The following USP33 variants were observed in gnomAD, a reference collection of about 807,000 sequenced individuals.
USP33 encodes the protein ubiquitin carboxyl-terminal hydrolase 33.
In USP33, 46 loss-of-function variants were observed where a neutral mutation model predicts 124.2. The ratio of observed to expected loss-of-function variants is 0.37; its 90% CI spans 0.29 to 0.47. The LOEUF is 0.47. Ranked by LOEUF, USP33 falls within the 20% of genes least tolerant of loss-of-function variation. The probability of loss-of-function intolerance (pLI) is 0.99; values close to 1 mark genes in which losing one functional copy is unlikely to be tolerated. For synonymous variants in USP33, 350 were observed against 352.3 expected (o/e 0.99, Z 0.07); for missense variants, 851 against 1,070.6 (o/e 0.79, Z 2.86).
At chr1:77,745,050 G>C (rs1246129596) in intron 1 of USP33, among the ~76,000 whole-genome samples, 2 of 152,130 alleles carry the variant, frequency 1.3e-5, no homozygotes, top group Non-Finnish European at 2.9e-5. Flanking sequence ...ATTATTGTGT[G>C]GGAGTCTAAG....
intron 4 of USP33, among the ~76,000 whole-genome samples, chr1:77,740,269 C>A (rs1406351309): frequency 1.3e-5 from 2 of 152,066 alleles, no homozygotes; most frequent in Admixed American, 6.6e-5. Context: ...TTAGCCAGGC[C>A]ATGTCATAAA....
chr1:77,741,540 TTACAG>T, intron 2 of USP33, 72 bp downstream of exon 2: 1 of 1,535,664 alleles, frequency 6.5e-7, no homozygotes, highest in Non-Finnish European at 8.8e-7. Context: ...TCATAGAGTA[TTACAG>T]TAATTTATGA....
intron 12 of USP33, 29 bp from the exon 13 acceptor site, chr1:77,722,225 G>A: frequency 6.3e-7 from 1 of 1,589,214 alleles, no homozygotes. Context: ...TTAAAAATGG[G>A]ATGAACATAA....
At chr1:77,746,781 CAT>C (rs1679786413) in intron 1 of USP33, among the ~76,000 whole-genome samples, 1 of 152,202 alleles carries the variant, frequency 6.6e-6, no homozygotes, top group Admixed American at 6.5e-5. Context: ...ACAAAAACCA[CAT>C]GATTATCTCA....
chr1:77,714,081 C>T (rs1675593287), intron 19 of USP33, among the ~76,000 whole-genome samples: 1 of 152,184 alleles, frequency 6.6e-6, no homozygotes, highest in African/African-American at 2.4e-5. Context: ...TAAACATTAA[C>T]ACAGCCAATC....
rs1005736381 is a variant in USP33, at chr1:77,741,104, A to T, written c.136-165T>A. On this transcript the variant is annotated intron_variant, in intron 3 of 23. Coordinates refer to ENST00000370794, the MANE Select transcript of USP33 (RefSeq NM_201624.3). The stretch of plus-strand genomic sequence containing the variant: ...AATTTAACCAAATGTTTCCAGGCAC[A>T]AAATAAAACCAGGATATATTTCTAA... Among the ~76,000 whole-genome samples the T allele has an allele frequency of 9.2e-4, 140 of 152,212 alleles. 1 individual carries two copies. The highest frequency in any genetic ancestry group is 1.8e-4 in the Non-Finnish European group (12 of 68,028).
chr1:77,748,667 CAAAA>C (rs796272242), intron 1 of USP33, among the ~76,000 whole-genome samples: 1 of 83,996 alleles, frequency 1.2e-5, no homozygotes, highest in Non-Finnish European at 2.5e-5. Context: ...GACTCCGTCT[CAAAA>C]AAAAAAAAAA....
chr1:77,697,803 CAT>C (rs1305336850), intron 23 of USP33, 58 bp downstream of exon 23: 8 of 1,453,666 alleles, frequency 5.5e-6, no homozygotes, highest in Middle Eastern at 1.8e-4. Context: ...CTAATGATAA[CAT>C]ATTTCTAACA....
chr1:77,759,372 A>G (rs895752719), intron 1 of USP33: 6 of 385,054 alleles, frequency 1.6e-5, no homozygotes, highest in Non-Finnish European at 4.6e-6. Context: ...TCCAGGGAAG[A>G]ACCCCTGAGG....
intron 22 of USP33, among the ~76,000 whole-genome samples, chr1:77,700,142 T>C (rs188272201): frequency 1.7e-4 from 26 of 152,344 alleles, no homozygotes; most frequent in Non-Finnish European, 3.1e-4. Flanking sequence ...CAAATCGCCA[T>C]GGCACATGTT....
rs768749917 is a variant in USP33, at chr1:77,723,399, T to C, written c.1321A>G (p.Arg441Gly). Residue 441 changes from arginine (R) to glycine (G), a missense_variant, in exon 12 of 24, where the codon AGA becomes GGA. Transcript: ENST00000370794. ...PKRKKQHKKY[R>G]SVISDIFDGT... ...TCAAATATGTCTGAAATAACACTTC[T>C]GTATTTCTTGTGCTGTTTTTTTCTC... is the stretch of plus-strand genomic sequence containing the variant. 6.2e-7 allele frequency: 1 copy of C among 1,613,330 alleles called. No individual in the cohort carries two copies. Among genetic ancestry groups the C allele is most frequent in the South Asian group, 1.1e-5 (1 of 90,944 alleles).
intron 9 of USP33, among the ~76,000 whole-genome samples, chr1:77,729,620 A>C (rs931620193): frequency 7.9e-5 from 12 of 152,056 alleles, no homozygotes; most frequent in Admixed American, 7.2e-4. Context: ...GCAGTGAGCC[A>C]AGATTGCACC....
chr1:77,728,823 T>C, intron 9 of USP33, 111 bp from the exon 10 acceptor site: 2 of 1,177,732 alleles, frequency 1.7e-6, no homozygotes, highest in Admixed American at 2.7e-5. Flanking sequence ...TACAGCACTA[T>C]ATTGAGCAAA....
At chr1:77,707,457 T>C (rs1332028464) in intron 21 of USP33, among the ~76,000 whole-genome samples, 2 of 152,214 alleles carry the variant, frequency 1.3e-5, no homozygotes, top group Non-Finnish European at 2.9e-5. Context: ...CAACTGAGGA[T>C]GATCTCATCT....
At chr1:77,723,469 A>T in intron 11 of USP33, 26 bp from the exon 12 acceptor site, 1 of 1,485,762 alleles carries the variant, frequency 6.7e-7, no homozygotes. Context: ...ATTAAAAAAA[A>T]ATCAAAGCAG....
rs545978017 is a variant in USP33, at chr1:77,710,462, T to C, written c.2406+1285A>G. On this transcript the variant is annotated intron_variant, in intron 21 of 23. Coordinates refer to ENST00000370794, the MANE Select transcript of USP33 (RefSeq NM_201624.3). ...TCCTGACAGACACAGTCATTAGCCA[T>C]TATTTAAGCATTGATGGAAAAAACT... is the stretch of plus-strand genomic sequence containing the variant. Among the ~76,000 whole-genome samples, 9 of 152,356 alleles carry C rather than the reference T, an allele frequency of 5.9e-5. No homozygotes were observed. The South Asian group carries it at 1.9e-3, about 32-fold the overall frequency.
chr1:77,721,866 C>G lies in USP33; in HGVS notation c.1622G>C (p.Cys541Ser), dbSNP rs751117334. Residue 541 changes from cysteine to serine, a missense_variant, in exon 14 of 24, where the codon TGT (cysteine) becomes TCT (serine). Around this residue, in one of 4 missense-constraint regions of USP33, gnomAD observed 281 missense variants for 425.0 expected, o/e 0.66. Coordinates refer to ENST00000370794, the MANE Select transcript of USP33 (RefSeq NM_201624.3). ...ATCTCTGGCAAAGAAGGCAGCAAGACAATCTTGCAAGGTTACTACTGGACC... is the reference window on the plus strand; with the variant it reads ...ATCTCTGGCAAAGAAGGCAGCAAGAGAATCTTGCAAGGTTACTACTGGACC... ...FWGPVVTLQDCLAAFFARDEL... is the reference protein window; with the variant it reads ...FWGPVVTLQDSLAAFFARDEL... 5.0e-6 allele frequency: 8 copies of G among 1,610,510 alleles called. No individual in the cohort carries two copies. Among genetic ancestry groups the G allele is most frequent in the Non-Finnish European group, 6.8e-6 (8 of 1,179,204 alleles).
intron 15 of USP33, chr1:77,720,445 C>T (rs1033732122): frequency 6.1e-6 from 6 of 985,398 alleles, no homozygotes; most frequent in Non-Finnish European, 7.2e-6. Context: ...TAGAAGTCAG[C>T]TTTTTCATCT....
chr1:77,725,544 T>C, intron 11 of USP33, 78 bp downstream of exon 11: 1 of 1,494,290 alleles, frequency 6.7e-7, no homozygotes, highest in Non-Finnish European at 9.0e-7. Flanking sequence ...AATTAACACT[T>C]TAAATTATCA....
Sources: allele counts gnomAD v4.1 joint callset (sites outside exome capture counted in the v4.1 genomes callset), GRCh38; gene constraint gnomAD v4.1.1; regional missense constraint gnomAD v4.1.1; transcripts MANE v1.5; gene names NCBI Gene and HGNC (gene_info 2026-07-23, HGNC 2026-07-21).